MIER2: variants seen among roughly 807,000 people sequenced by gnomAD.
MIER2 encodes mesoderm induction early response protein 2.
Under a neutral mutation model 67.6 loss-of-function variants are expected in MIER2, and 30 were observed. The observed-to-expected ratio is 0.44, with a 90% confidence interval of 0.33 to 0.60. The LOEUF (loss-of-function observed/expected upper bound fraction) is 0.60, where lower values mean the gene tolerates loss of function less well. MIER2 is among the 20% of genes least tolerant of loss of function. The pLI, the probability that MIER2 is intolerant of heterozygous loss-of-function variation, is 0.02. For missense variants in MIER2, 702 were observed against 745.1 expected, an observed-to-expected ratio of 0.94 and a Z score of 0.67; for synonymous variants, 372 against 312.6, an observed-to-expected ratio of 1.19 and a Z score of -2.00.
rs777011484 is a variant in MIER2, at chr19:336,169, G to T, written c.14C>A (p.Ser5Tyr). 2 of 1,612,708 alleles carry T rather than the reference G, an allele frequency of 1.2e-6. No individual in the cohort carries two copies. Among genetic ancestry groups the T allele is most frequent in the East Asian group, 4.5e-5 (2 of 44,870 alleles). MAEASSLGRQSPRVV... is the reference protein window; with the variant it reads MAEAYSLGRQSPRVV... ...GCGAGGACTCTGCCTCCCCAGCGAG[G>T]AGGCCTGCGAAGGAAGAGAGGCAGG... Residue 5 changes from serine to tyrosine, a missense_variant, in exon 2 of 14, where the codon TCC becomes TAC. Ser to Tyr is a moderately radical substitution (Grantham distance 144, BLOSUM62 -2). Transcript: ENST00000264819.
At chr19:306,764 G>T (rs1040186035) in intron 13 of MIER2, 53 bp from the exon 14 acceptor site, 4 of 1,551,580 alleles carry the variant, frequency 2.6e-6, no homozygotes, top group Non-Finnish European at 3.5e-6. Flanking sequence ...GGCCCCACGT[G>T]CCTGCACAGC....
chr19:343,941 G>A, intron 1 of MIER2: 1 of 985,430 alleles, frequency 1.0e-6, no homozygotes, highest in South Asian at 4.7e-5. Context: ...CTGACACGAA[G>A]CTATCTGTTG....
At chr19:307,580 G>C (rs143060364) in intron 12 of MIER2, 44 bp from the exon 13 acceptor site, 4 of 1,463,992 alleles carry the variant, frequency 2.7e-6, no homozygotes, top group Middle Eastern at 1.9e-4. Flanking sequence ...GCCCACAGCC[G>C]CGGATCCTGT....
rs199814029 is a variant in MIER2 at position 310,636 on chromosome 19, A to AACACGGCCCGGAGCTGTAGAAAC, written c.984+1208_984+1209insGTTTCTACAGCTCCGGGCCGTGT. Among the ~76,000 whole-genome samples, 26 of 107,980 alleles carry AACACGGCCCGGAGCTGTAGAAAC rather than the reference A, an allele frequency of 2.4e-4. 1 individual carries two copies. Among genetic ancestry groups the AACACGGCCCGGAGCTGTAGAAAC allele is most frequent in the African/African-American group, 6.5e-4 (13 of 20,092 alleles). The allele number at this position is 107,980 out of a possible 152,430, so 70.8% of individuals were successfully genotyped here. A position where few individuals can be genotyped will look rare whatever the true frequency, so the allele number is the denominator to read the frequency against. Reference sequence around the variant, plus strand: ...TAGAAACACAGCCCGGAGCTATAGAAACAGCCCAGAGTCCAGAAACACAGC... The same window carrying AACACGGCCCGGAGCTGTAGAAAC: ...TAGAAACACAGCCCGGAGCTATAGAAACACGGCCCGGAGCTGTAGAAACACAGCCCAGAGTCCAGAAACACAGC... On this transcript the variant is annotated intron_variant, in intron 10 of 13. Transcript: ENST00000264819.
chr19:306,854 G>C (rs1970674987), intron 13 of MIER2, 143 bp from the exon 14 acceptor site: 1 of 1,362,728 alleles, frequency 7.3e-7, no homozygotes, highest in Non-Finnish European at 1.0e-6. Context: ...GGTGCCCTGA[G>C]GGGAGCTGGT....
chr19:332,206 C>T (rs562412254), intron 3 of MIER2, among the ~76,000 whole-genome samples: 17 of 151,614 alleles, frequency 1.1e-4, no homozygotes, highest in African/African-American at 4.1e-4. Context: ...CTTTTTTTTT[C>T]TTGAGATGGA....
At chr19:313,412 C>G in intron 8 of MIER2, 80 bp downstream of exon 8, 2 of 1,558,198 alleles carry the variant, frequency 1.3e-6, no homozygotes, top group Non-Finnish European at 1.7e-6. Flanking sequence ...CTCCCTGGCC[C>G]CTGGAGGCAC....
intron 1 of MIER2, 72 bp from the exon 2 acceptor site, chr19:336,245 C>G: frequency 2.4e-6 from 3 of 1,271,874 alleles, no homozygotes; most frequent in Non-Finnish European, 3.4e-6. Flanking sequence ...GTGTGGCAGC[C>G]AAGAGCAAGC....
At chr19:314,992 G>A (rs572906121) in intron 7 of MIER2, among the ~76,000 whole-genome samples, 1 of 152,214 alleles carries the variant, frequency 6.6e-6, no homozygotes, top group Non-Finnish European at 1.5e-5. Flanking sequence ...GAGCCCAGGA[G>A]GTCGAGGTTG....
chr19:325,335 G>A (rs944153742), intron 7 of MIER2, among the ~76,000 whole-genome samples: 3 of 152,210 alleles, frequency 2.0e-5, no homozygotes, highest in Non-Finnish European at 4.4e-5. Flanking sequence ...AGGCTGTGGG[G>A]AGGCGGCTGG....
intron 10 of MIER2, among the ~76,000 whole-genome samples, chr19:310,398 G>C (rs1395869662): frequency 6.6e-6 from 1 of 152,244 alleles, no homozygotes; most frequent in Non-Finnish European, 1.5e-5. Flanking sequence ...TGAAGGGCCA[G>C]GGTGAAATAC....
intron 7 of MIER2, among the ~76,000 whole-genome samples, chr19:318,691 G>A (rs148322705): frequency 1.3e-3 from 193 of 152,292 alleles, no homozygotes; most frequent in African/African-American, 4.5e-3. Context: ...GACATAAAGC[G>A]AGGTGCAACT....
At chr19:338,162 C>T (rs1022555735) in intron 1 of MIER2, among the ~76,000 whole-genome samples, 3 of 96,204 alleles carry the variant, frequency 3.1e-5, no homozygotes, top group Non-Finnish European at 5.7e-5. Flanking sequence ...TACAGCAAGA[C>T]TCCATCTCAA....
intron 10 of MIER2, among the ~76,000 whole-genome samples, chr19:309,842 G>A (rs868559712): frequency 7.4e-4 from 39 of 52,662 alleles, no homozygotes; most frequent in African/African-American, 1.9e-3. Context: ...ACACACACAC[G>A]CACACAAGGC....
chr19:327,762 C>A, intron 4 of MIER2, 102 bp downstream of exon 4: 1 of 1,518,862 alleles, frequency 6.6e-7, no homozygotes, highest in East Asian at 2.4e-5. Context: ...ATTCTGGGGG[C>A]CTTTGTGCCT....
At chr19:324,631 A>T (rs1410479720) in intron 7 of MIER2, among the ~76,000 whole-genome samples, 1 of 151,614 alleles carries the variant, frequency 6.6e-6, no homozygotes, top group Non-Finnish European at 1.5e-5. Flanking sequence ...GACTCGAATG[A>T]CACAGACGTC....
chr19:311,127 C>T (rs1007165835), intron 10 of MIER2, among the ~76,000 whole-genome samples: 7 of 152,208 alleles, frequency 4.6e-5, no homozygotes, highest in African/African-American at 1.4e-4. Flanking sequence ...TCCCAGGACA[C>T]GAGGCAGAAG....
chr19:335,526 C>T (rs888517546), intron 2 of MIER2, among the ~76,000 whole-genome samples: 16 of 152,172 alleles, frequency 1.1e-4, no homozygotes, highest in African/African-American at 3.1e-4. Flanking sequence ...TAGTTTGATA[C>T]GGAAAGAGAC....
chr19:327,289 T>C lies in MIER2; in HGVS notation c.370-33A>G, dbSNP rs182384589. The C allele has an allele frequency of 5.1e-6, 8 of 1,567,488 alleles. No homozygotes were observed. The Admixed American group carries it at 1.2e-4, about 24-fold the overall frequency. ...AAAAAAAAAAAAAGTAAAGAACATTTTACAGTTTAACAATCTCGCAATACC... is the reference window on the plus strand; with the variant it reads ...AAAAAAAAAAAAAGTAAAGAACATTCTACAGTTTAACAATCTCGCAATACC... On this transcript the variant is annotated intron_variant, in intron 4 of 13. Transcript: ENST00000264819.
Sources: gnomAD v4.1 joint callset for allele counts (sites outside exome capture counted in the v4.1 genomes callset) on GRCh38, gnomAD v4.1.1 for gene constraint, MANE v1.5 for transcripts, NCBI Gene and HGNC (gene_info 2026-07-23, HGNC 2026-07-21) for gene names.